BTBD10: variants seen among roughly 807,000 people sequenced by gnomAD.
BTBD10 encodes BTB/POZ domain-containing protein 10.
A neutral mutation model predicts 53.2 loss-of-function variants in BTBD10; 21 were observed. The observed-to-expected ratio is 0.39, with a 90% confidence interval of 0.28 to 0.57. The LOEUF is 0.57. BTBD10 is among the 20% of genes least tolerant of loss of function. The pLI is 0.53. For synonymous variants in BTBD10, 149 were observed against 192.7 expected (o/e 0.77, Z 1.88); for missense variants, 360 against 594.7 (o/e 0.61, Z 4.10).
chr11:13,440,210 A>G, intron 2 of BTBD10: 2 of 1,358,550 alleles, frequency 1.5e-6, no homozygotes, highest in Non-Finnish European at 1.9e-6. Flanking sequence ...AATTCAGTTT[A>G]TTTTCTCACA....
chr11:13,460,320 T>A (rs1310876606), intron 1 of BTBD10, among the ~76,000 whole-genome samples: 1 of 152,102 alleles, frequency 6.6e-6, no homozygotes. Flanking sequence ...TTTTCAAAAT[T>A]CTCTCCCTTA....
At position 13,403,163 on chromosome 11, in the gene BTBD10, C is replaced by T; in HGVS notation, c.1117+5G>A. ...AACTAATAGAAAATAATGAAAATGT[C>T]TTACCTTCTATTCCCAATCTAATCT... On this transcript the variant is annotated splice_donor_5th_base_variant and intron_variant, in intron 8 of 8. Coordinates refer to ENST00000278174, the MANE Select transcript of BTBD10 (RefSeq NM_032320.7). The T allele has an allele frequency of 6.9e-7, 1 of 1,443,632 alleles. No individual in the cohort carries two copies. The highest frequency in any genetic ancestry group is 9.4e-7 in the Non-Finnish European group (1 of 1,066,750). The allele number at this position is 1,443,632 out of a possible 1,614,324, so 89.4% of individuals were successfully genotyped here.
chr11:13,445,190 A>C lies in BTBD10; in HGVS notation c.-57-9T>G. 1 of 1,124,512 alleles carries C rather than the reference A, an allele frequency of 8.9e-7. No homozygotes were observed. Among genetic ancestry groups the C allele is most frequent in the Non-Finnish European group, 1.3e-6 (1 of 740,926 alleles). 69.7% of individuals were successfully genotyped at this position (1,124,512 alleles called of 1,614,324 possible). On this transcript the variant is annotated splice_polypyrimidine_tract_variant and intron_variant, in intron 1 of 8. Transcript: ENST00000278174. Reference sequence around the variant, plus strand: ...CATGTAGCACCCATAACCTACATAAAAGAGCAGTGTTGACCTTTAAATCTA... The same window carrying C: ...CATGTAGCACCCATAACCTACATAACAGAGCAGTGTTGACCTTTAAATCTA...
intron 6 of BTBD10, among the ~76,000 whole-genome samples, chr11:13,407,188 C>T (rs1383869852): frequency 6.6e-6 from 1 of 152,146 alleles, no homozygotes; most frequent in Non-Finnish European, 1.5e-5. Context: ...TCCTCAGTAA[C>T]CTTTGCCAAC....
At chr11:13,389,255 A>G in intron 8 of BTBD10, 114 bp from the exon 9 acceptor site, 1 of 828,218 alleles carries the variant, frequency 1.2e-6, no homozygotes, top group Non-Finnish European at 1.9e-6. Flanking sequence ...TAAAACAAAG[A>G]AGTGAAAACA....
rs73423573 is a variant in BTBD10, at chr11:13,424,676, T to C, written c.102-2838A>G. Among the ~76,000 whole-genome samples the C allele has an allele frequency of 6.8e-3, 1,041 of 152,260 alleles. 10 individuals are homozygous for C. Among genetic ancestry groups the C allele is most frequent in the African/African-American group, 0.024 (1,005 of 41,556 alleles). Reference sequence around the variant, plus strand: ...AAGGACATGAAGACTGGATTAGCCCTAATATCTATTTCCAGCCAAGATAGA... The same window carrying C: ...AAGGACATGAAGACTGGATTAGCCCCAATATCTATTTCCAGCCAAGATAGA... On this transcript the variant is annotated intron_variant, in intron 2 of 8. Coordinates refer to ENST00000278174, the MANE Select transcript of BTBD10 (RefSeq NM_032320.7).
At chr11:13,424,934 G>C (rs1357532863) in intron 2 of BTBD10, among the ~76,000 whole-genome samples, 1 of 152,178 alleles carries the variant, frequency 6.6e-6, no homozygotes, top group African/African-American at 2.4e-5. Flanking sequence ...GACTCTGAGT[G>C]AAAGACATGG....
chr11:13,434,006 ATTAG>A (rs1256672239), intron 2 of BTBD10, among the ~76,000 whole-genome samples: 2 of 152,202 alleles, frequency 1.3e-5, no homozygotes, highest in Non-Finnish European at 2.9e-5. Flanking sequence ...CAACTGAAGA[ATTAG>A]TTAAATTCTC....
chr11:13,426,516 GATA>G (rs1195372694), intron 2 of BTBD10, among the ~76,000 whole-genome samples: 3 of 151,974 alleles, frequency 2.0e-5, no homozygotes, highest in Non-Finnish European at 2.9e-5. Flanking sequence ...AAACAATAAT[GATA>G]ATAATATAAT....
At chr11:13,412,122 C>T (rs1474479407) in intron 6 of BTBD10, among the ~76,000 whole-genome samples, 1 of 152,032 alleles carries the variant, frequency 6.6e-6, no homozygotes, top group Non-Finnish European at 1.5e-5. Flanking sequence ...TGAGCCACTG[C>T]ACCCAGCCCC....
chr11:13,432,914 T>C (rs1441308540), intron 2 of BTBD10, among the ~76,000 whole-genome samples: 1 of 152,032 alleles, frequency 6.6e-6, no homozygotes, highest in Non-Finnish European at 1.5e-5. Flanking sequence ...GGAGCACATT[T>C]TCAAGGAAAT....
chr11:13,455,463 C>G (rs2134058184), intron 1 of BTBD10, among the ~76,000 whole-genome samples: 1 of 152,270 alleles, frequency 6.6e-6, no homozygotes, highest in South Asian at 2.1e-4. Context: ...GTTTGAAAAT[C>G]TTTCCATATT....
chr11:13,452,294 C>T (rs904286197), intron 1 of BTBD10, among the ~76,000 whole-genome samples: 2 of 152,030 alleles, frequency 1.3e-5, no homozygotes, highest in Non-Finnish European at 2.9e-5. Context: ...ACAGATCAGC[C>T]AGGAGTTAAG....
intron 6 of BTBD10, among the ~76,000 whole-genome samples, chr11:13,407,610 A>C (rs1336770410): frequency 6.6e-6 from 1 of 152,218 alleles, no homozygotes; most frequent in Non-Finnish European, 1.5e-5. Flanking sequence ...ACACACCTTG[A>C]ATTGTGTTAT....
At chr11:13,429,333 C>A (rs1950404593) in intron 2 of BTBD10, among the ~76,000 whole-genome samples, 1 of 151,910 alleles carries the variant, frequency 6.6e-6, no homozygotes, top group Non-Finnish European at 1.5e-5. Context: ...CCTAGAATAG[C>A]CTAAATAATT....
chr11:13,438,609 C>T (rs1043671842), intron 2 of BTBD10, among the ~76,000 whole-genome samples: 2 of 151,716 alleles, frequency 1.3e-5, no homozygotes, highest in Admixed American at 1.3e-4. Flanking sequence ...AACAGCACTA[C>T]AGTAATGCCT....
At chr11:13,447,078 T>C (rs1950762269) in intron 1 of BTBD10, among the ~76,000 whole-genome samples, 1 of 152,224 alleles carries the variant, frequency 6.6e-6, no homozygotes, top group Non-Finnish European at 1.5e-5. Flanking sequence ...TTACTCTACA[T>C]ATCCTCAAGT....
rs1231305116 is a variant in BTBD10 at position 13,405,840 on chromosome 11, C to T, written c.825G>A (p.Glu275=). 1.9e-6 allele frequency: 3 copies of T among 1,613,246 alleles called. No individual in the cohort carries two copies. The highest frequency in any genetic ancestry group is 4.5e-5 in the East Asian group (2 of 44,872). The change falls in exon 7 of 9, where the codon GAG becomes GAA. Residue 275 remains glutamate, a synonymous_variant. Coordinates refer to ENST00000278174, the MANE Select transcript of BTBD10 (RefSeq NM_032320.7). ...GTCTACGAGCACCATCATTTGATAA[C>T]TCATGCATTAGGGCACCTGAAATGA... ...KCRDLSALMH[E]LSNDGARRQF... is the part of the protein sequence containing the mutation.
At position 13,445,907 on chromosome 11, in the gene BTBD10, T is replaced by C. The variant is rs139568321; in HGVS notation, c.-57-726A>G. Among the ~76,000 whole-genome samples, 491 of 152,320 alleles carry C rather than the reference T, an allele frequency of 3.2e-3. 4 individuals are homozygous for C. Among genetic ancestry groups the C allele is most frequent in the African/African-American group, 0.011 (448 of 41,574 alleles). ...AAACCACATTCACTATCCAATTTAA[T>C]GTTCACAATCACCTTGCAAGGTAGG... is the stretch of plus-strand genomic sequence containing the variant. On this transcript the variant is annotated intron_variant, in intron 1 of 8. Transcript: ENST00000278174.
Sources: allele counts gnomAD v4.1 joint callset (sites outside exome capture counted in the v4.1 genomes callset), GRCh38; gene constraint gnomAD v4.1.1; transcripts MANE v1.5; gene names NCBI Gene and HGNC (gene_info 2026-07-23, HGNC 2026-07-21).